Variants in CABLES1 observed in about 807,000 individuals in gnomAD.
CABLES1 encodes the protein CDK5 and ABL1 enzyme substrate 1.
A neutral mutation model predicts 57.8 loss-of-function variants in CABLES1; 36 were observed. The ratio of observed to expected loss-of-function variants is 0.62; its 90% CI spans 0.48 to 0.82. The LOEUF (loss-of-function observed/expected upper bound fraction) is 0.82. Ranked by LOEUF, CABLES1 falls within the 40% of genes least tolerant of loss-of-function variation. The pLI is 0.00. For synonymous variants in CABLES1, 374 were observed against 363.0 expected, an observed-to-expected ratio of 1.03 and a Z score of -0.35; for missense variants, 767 against 836.6, an observed-to-expected ratio of 0.92 and a Z score of 1.03.
At chr18:23,150,889 GGTTGGAGCATAGT>G (rs903541495) in intron 1 of CABLES1, among the ~76,000 whole-genome samples, 23 of 152,086 alleles carry the variant, frequency 1.5e-4, no homozygotes, top group Non-Finnish European at 2.8e-4. Context: ...AGGCCAGGGT[GGTTGGAGCATAGT>G]GAACTCGGGG....
At chr18:23,213,015 G>GCAAC (rs1420976285) in intron 3 of CABLES1, among the ~76,000 whole-genome samples, 1 of 152,156 alleles carries the variant, frequency 6.6e-6, no homozygotes, top group Non-Finnish European at 1.5e-5. Context: ...TGTGGGTGTT[G>GCAAC]AAACTGGAGA....
At chr18:23,144,025 C>T (rs997739125) in intron 1 of CABLES1, among the ~76,000 whole-genome samples, 3 of 152,244 alleles carry the variant, frequency 2.0e-5, no homozygotes, top group South Asian at 2.1e-4. Context: ...CACGCTGCTC[C>T]GTGCCCCAGG....
At chr18:23,162,733 G>A (rs925732758) in intron 1 of CABLES1, among the ~76,000 whole-genome samples, 3 of 152,166 alleles carry the variant, frequency 2.0e-5, no homozygotes, top group Non-Finnish European at 4.4e-5. Flanking sequence ...CTGAGAAGTG[G>A]GTAGGAAGGA....
intron 3 of CABLES1, among the ~76,000 whole-genome samples, chr18:23,205,630 A>G (rs2047357673): frequency 6.6e-6 from 1 of 152,154 alleles, no homozygotes; most frequent in South Asian, 2.1e-4. Context: ...GGCAGATGTA[A>G]TTCACTAAGA....
intron 4 of CABLES1, among the ~76,000 whole-genome samples, chr18:23,229,974 GATC>G (rs1421933291): frequency 7.9e-5 from 12 of 152,334 alleles, no homozygotes; most frequent in South Asian, 2.1e-4. Flanking sequence ...CAGCAACATT[GATC>G]AGAGCCCTTA....
intron 1 of CABLES1, among the ~76,000 whole-genome samples, chr18:23,164,583 T>C (rs2047028109): frequency 6.6e-6 from 1 of 152,106 alleles, no homozygotes; most frequent in African/African-American, 2.4e-5. Flanking sequence ...GGAAAAGGGA[T>C]TTCTGTGTGC....
chr18:23,140,464 T>G (rs2046850953), intron 1 of CABLES1, among the ~76,000 whole-genome samples: 1 of 148,206 alleles, frequency 6.7e-6, no homozygotes, highest in African/African-American at 2.5e-5. Context: ...TGAGATGGAG[T>G]CTTGCTCTGT....
At chr18:23,190,937 CATAA>C (rs1030497081) in intron 2 of CABLES1, among the ~76,000 whole-genome samples, 1 of 151,888 alleles carries the variant, frequency 6.6e-6, no homozygotes, top group Non-Finnish European at 1.5e-5. Context: ...CACAAAAATA[CATAA>C]ATAAATAAGG....
At chr18:23,194,660 GGATCTCATGGAACCTTCCCCGACA>G (rs1175869166) in intron 3 of CABLES1, 120 bp downstream of exon 3, 2 of 658,276 alleles carry the variant, frequency 3.0e-6, no homozygotes, top group South Asian at 1.8e-5. Flanking sequence ...AAGATGAGCA[GGATCTCATGGAACCTTCCCCGACA>G]ATTTCCACCC....
At position 23,201,061 on chromosome 18, in the gene CABLES1, A is replaced by G. The variant is rs148843856; in HGVS notation, c.1010+6521A>G. 2.6e-5 allele frequency among the ~76,000 whole-genome samples: 4 copies of G among 152,388 alleles called. No individual in the cohort carries two copies. The East Asian group carries it at 7.7e-4, about 29-fold the overall frequency. ...AAAAGCAGGGAGAGCAGAAGCAGGA[A>G]GGAGCATTACAGATGAGAACCAAGA... is the stretch of plus-strand genomic sequence containing the variant. On this transcript the variant is annotated intron_variant, in intron 3 of 9. Transcript: ENST00000256925.
chr18:23,173,112 G>A (rs549131221), intron 1 of CABLES1, among the ~76,000 whole-genome samples: 1 of 152,182 alleles, frequency 6.6e-6, no homozygotes, highest in Non-Finnish European at 1.5e-5. Flanking sequence ...GAGAGAGAGG[G>A]TGGATGAAAT....
In CABLES1 at chr18:23,135,988, G is replaced by C; in HGVS notation, c.226G>C (p.Gly76Arg). Residue 76 changes from glycine (G) to arginine (R), a missense_variant, in exon 1 of 10, where the codon GGC becomes CGC. Coordinates refer to ENST00000256925, the MANE Select transcript of CABLES1 (RefSeq NM_001100619.3). ...LSFLTNISLD[G>R]RLPPQDAEWG... ...CTTCCTCACCAACATCTCGCTGGAC[G>C]GCCGGCTGCCGCCGCAGGACGCGGA... 1 of 1,139,076 alleles carries C rather than the reference G, an allele frequency of 8.8e-7. No homozygotes were observed. Among genetic ancestry groups the C allele is most frequent in the Non-Finnish European group, 1.1e-6 (1 of 928,648 alleles). The allele number at this position is 1,139,076 out of a possible 1,614,324, so 70.6% of individuals were successfully genotyped here.
At chr18:23,167,591 C>T (rs182253364) in intron 1 of CABLES1, among the ~76,000 whole-genome samples, 1 of 152,160 alleles carries the variant, frequency 6.6e-6, no homozygotes, top group Non-Finnish European at 1.5e-5. Context: ...AGACATTCAG[C>T]AGCATTTACT....
chr18:23,162,198 C>T (rs2047010451), intron 1 of CABLES1, among the ~76,000 whole-genome samples: 1 of 151,778 alleles, frequency 6.6e-6, no homozygotes. Flanking sequence ...TCATGCTTTA[C>T]AGGTGTTTAT....
At chr18:23,200,546 G>A (rs998625825) in intron 3 of CABLES1, among the ~76,000 whole-genome samples, 4 of 152,112 alleles carry the variant, frequency 2.6e-5, no homozygotes, top group Non-Finnish European at 4.4e-5. Flanking sequence ...ACAGGCGTGA[G>A]CCACCGTGCC....
chr18:23,245,317 A>G (rs2047847363), intron 7 of CABLES1, among the ~76,000 whole-genome samples: 1 of 152,044 alleles, frequency 6.6e-6, no homozygotes, highest in African/African-American at 2.4e-5. Context: ...AGACCAGCCT[A>G]GCCAACATGG....
At chr18:23,201,020 A>G (rs996470690) in intron 3 of CABLES1, among the ~76,000 whole-genome samples, 2 of 152,256 alleles carry the variant, frequency 1.3e-5, no homozygotes, top group African/African-American at 2.4e-5. Flanking sequence ...CCTCGTAGTC[A>G]GCCATGTGGA....
chr18:23,240,440 C>T (rs1015729865), intron 7 of CABLES1, among the ~76,000 whole-genome samples: 1 of 152,236 alleles, frequency 6.6e-6, no homozygotes, highest in Non-Finnish European at 1.5e-5. Context: ...GCCCCAGGCA[C>T]AGGGAGCTGC....
At chr18:23,248,694 G>A (rs887096724) in intron 7 of CABLES1, among the ~76,000 whole-genome samples, 15 of 151,662 alleles carry the variant, frequency 9.9e-5, no homozygotes, top group East Asian at 3.9e-4. Context: ...GTGTGGTGGC[G>A]CATGCCTGTA....
Sources: gnomAD v4.1 joint callset for allele counts (sites outside exome capture counted in the v4.1 genomes callset) on GRCh38, gnomAD v4.1.1 for gene constraint, MANE v1.5 for transcripts, NCBI Gene and HGNC (gene_info 2026-07-23, HGNC 2026-07-21) for gene names.